Variants in SEMA3A observed in about 807,000 individuals in gnomAD.
SEMA3A encodes the protein semaphorin 3A.
Under a neutral mutation model 97.9 loss-of-function variants are expected in SEMA3A, and 29 were observed. The ratio of observed to expected loss-of-function variants is 0.30; its 90% CI spans 0.22 to 0.40. SEMA3A has a LOEUF of 0.40. Among genes scored for constraint, SEMA3A ranks in the 10% least tolerant of loss-of-function variants. The probability of loss-of-function intolerance (pLI) is 1.00; values close to 1 mark genes in which losing one functional copy is unlikely to be tolerated. For synonymous variants in SEMA3A, 321 were observed against 323.7 expected, an observed-to-expected ratio of 0.99 and a Z score of 0.09; for missense variants, 763 against 951.3, an observed-to-expected ratio of 0.80 and a Z score of 2.60.
At chr7:84,405,338 G>T (rs1008932679) in intron 1 of SEMA3A, among the ~76,000 whole-genome samples, 1 of 152,160 alleles carries the variant, frequency 6.6e-6, no homozygotes, top group Non-Finnish European at 1.5e-5. Context: ...TCAACAAGAA[G>T]AACTAACTAT....
chr7:84,081,397 C>T (rs1794153108), intron 4 of SEMA3A, among the ~76,000 whole-genome samples: 1 of 151,858 alleles, frequency 6.6e-6, no homozygotes, highest in African/African-American at 2.4e-5. Context: ...TCAAGACCAC[C>T]CTGGCTAACA....
At chr7:84,455,866 C>A (rs545779638) in intron 1 of SEMA3A, among the ~76,000 whole-genome samples, 11 of 152,026 alleles carry the variant, frequency 7.2e-5, no homozygotes, top group African/African-American at 2.6e-4. Flanking sequence ...TAACCAAATA[C>A]TCTAAATTTC....
chr7:83,986,642 T>TAAGA (rs1789644171), intron 12 of SEMA3A, among the ~76,000 whole-genome samples: 1 of 152,082 alleles, frequency 6.6e-6, no homozygotes, highest in South Asian at 2.1e-4. Context: ...AGGGGTCTGA[T>TAAGA]AAGAAAGAGG....
At chr7:84,247,355 A>G (rs538321619) in intron 3 of SEMA3A, among the ~76,000 whole-genome samples, 2 of 152,260 alleles carry the variant, frequency 1.3e-5, no homozygotes, top group African/African-American at 2.4e-5. Flanking sequence ...ATATTGTCAT[A>G]TTTGGTTCTA....
chr7:84,151,849 GA>G (rs1284347014), intron 1 of SEMA3A, among the ~76,000 whole-genome samples: 1 of 151,808 alleles, frequency 6.6e-6, no homozygotes, highest in Non-Finnish European at 1.5e-5. Context: ...AAATTTACAA[GA>G]AAAAAACAAC....
At chr7:84,183,751 T>C (rs1289204882) in intron 1 of SEMA3A, among the ~76,000 whole-genome samples, 1 of 152,126 alleles carries the variant, frequency 6.6e-6, no homozygotes, top group African/African-American at 2.4e-5. Flanking sequence ...AAAAACGCAA[T>C]AACTCTGGCA....
intron 4 of SEMA3A, among the ~76,000 whole-genome samples, chr7:84,099,911 T>C (rs1794905904): frequency 6.6e-6 from 1 of 152,274 alleles, no homozygotes; most frequent in African/African-American, 2.4e-5. Flanking sequence ...TCAAAGTGAA[T>C]CATGGCAATA....
intron 2 of SEMA3A, among the ~76,000 whole-genome samples, chr7:84,307,698 C>T (rs1297520550): frequency 6.6e-6 from 1 of 152,132 alleles, no homozygotes; most frequent in Admixed American, 6.6e-5. Flanking sequence ...ACACTGACAA[C>T]CCAGCTAAGC....
chr7:84,184,418 G>A (rs1173612288), intron 1 of SEMA3A, among the ~76,000 whole-genome samples: 2 of 152,162 alleles, frequency 1.3e-5, no homozygotes, highest in African/African-American at 4.8e-5. Context: ...CAGTGCGGGA[G>A]AGCCTAGCTT....
intron 1 of SEMA3A, among the ~76,000 whole-genome samples, chr7:84,455,137 A>G (rs1056990574): frequency 6.6e-6 from 1 of 151,934 alleles, no homozygotes; most frequent in Non-Finnish European, 1.5e-5. Flanking sequence ...TAAAATCTGA[A>G]AGATAGTTTT....
At chr7:84,444,518 C>T (rs998656611) in intron 1 of SEMA3A, among the ~76,000 whole-genome samples, 1 of 151,542 alleles carries the variant, frequency 6.6e-6, no homozygotes, top group African/African-American at 2.4e-5. Context: ...GCTTCATCTT[C>T]AACATAGTCT....
At position 84,076,972 on chromosome 7, in the gene SEMA3A, A is replaced by G. The variant is rs558354814; in HGVS notation, c.454-16414T>C. Among the ~76,000 whole-genome samples the G allele has an allele frequency of 8.5e-5, 13 of 152,286 alleles. No homozygotes were observed. In the South Asian group the frequency reaches 2.7e-3, roughly 32 times the overall value. The stretch of plus-strand genomic sequence containing the variant: ...AAGCATGTGTGTTCAAACTTCATGT[A>G]GATTATCTTTTTAATAGGAGCTTAA... On this transcript the variant is annotated intron_variant, in intron 4 of 16. Transcript: ENST00000265362.
chr7:84,013,824 G>A (rs1219369808), intron 7 of SEMA3A, among the ~76,000 whole-genome samples: 1 of 152,110 alleles, frequency 6.6e-6, no homozygotes, highest in Admixed American at 6.5e-5. Flanking sequence ...TCCAGCCTAG[G>A]GGGCAGAGCA....
At chr7:84,472,279 C>T (rs537278768) in intron 1 of SEMA3A, among the ~76,000 whole-genome samples, 1 of 152,178 alleles carries the variant, frequency 6.6e-6, no homozygotes, top group South Asian at 2.1e-4. Context: ...CCCACTCGAA[C>T]ACATGCTTCA....
At chr7:83,997,393 GT>G (rs907424618) in intron 12 of SEMA3A, among the ~76,000 whole-genome samples, 1 of 152,048 alleles carries the variant, frequency 6.6e-6, no homozygotes, top group East Asian at 1.9e-4. Flanking sequence ...TGTGTTGTGG[GT>G]TTTTTTCCTT....
chr7:84,070,689 G>C (rs1410517361), intron 4 of SEMA3A, among the ~76,000 whole-genome samples: 2 of 151,892 alleles, frequency 1.3e-5, no homozygotes, highest in African/African-American at 4.8e-5. Context: ...TCTCACAAAA[G>C]ACACTTTGTA....
intron 2 of SEMA3A, among the ~76,000 whole-genome samples, chr7:84,336,526 T>A (rs887406426): frequency 6.6e-6 from 1 of 152,154 alleles, no homozygotes; most frequent in Non-Finnish European, 1.5e-5. Flanking sequence ...GGTGAGCAGA[T>A]GTTCAGTCAA....
chr7:84,404,795 A>T (rs1804023869), intron 1 of SEMA3A, among the ~76,000 whole-genome samples: 1 of 152,174 alleles, frequency 6.6e-6, no homozygotes, highest in African/African-American at 2.4e-5. Flanking sequence ...AGCCAAACTA[A>T]GCTTCATAAG....
intron 1 of SEMA3A, among the ~76,000 whole-genome samples, chr7:84,463,648 A>T (rs1302789402): frequency 6.6e-6 from 1 of 151,908 alleles, no homozygotes; most frequent in African/African-American, 2.4e-5. Context: ...TCAGTGTTAG[A>T]ATTTGCTGAG....
Sources: gnomAD v4.1 joint callset for allele counts (sites outside exome capture counted in the v4.1 genomes callset) on GRCh38, gnomAD v4.1.1 for gene constraint, MANE v1.5 for transcripts, NCBI Gene and HGNC (gene_info 2026-07-23, HGNC 2026-07-21) for gene names.